PID1: variants seen among roughly 807,000 people sequenced by gnomAD.
PID1 encodes the protein phosphotyrosine interaction domain containing 1.
Under a neutral mutation model 19.1 loss-of-function variants are expected in PID1, and 10 were observed. The ratio of observed to expected loss-of-function variants is 0.52; its 90% confidence interval spans 0.32 to 0.89. The LOEUF is 0.89. Among genes scored for constraint, PID1 ranks in the 40% least tolerant of loss-of-function variants. The pLI is 0.03. For synonymous variants in PID1, 130 were observed against 116.0 expected (o/e 1.12, Z -0.78); for missense variants, 248 against 285.3 (o/e 0.87, Z 0.94).
chr2:229,132,577 G>C (rs1024927489), intron 2 of PID1, among the ~76,000 whole-genome samples: 1 of 152,028 alleles, frequency 6.6e-6, no homozygotes, highest in African/African-American at 2.4e-5. Flanking sequence ...AATTTTATAT[G>C]AATTAGCTTT....
At chr2:229,155,702 G>A in intron 2 of PID1, 116 bp downstream of exon 2, 2 of 942,390 alleles carry the variant, frequency 2.1e-6, no homozygotes, top group Non-Finnish European at 1.6e-6. Flanking sequence ...TATTTTGTTG[G>A]TCATTTTATA....
intron 1 of PID1, among the ~76,000 whole-genome samples, chr2:229,180,197 T>C (rs1021079454): frequency 7.2e-5 from 11 of 152,130 alleles, no homozygotes; most frequent in Non-Finnish European, 1.5e-4. Context: ...GTTTATAAGG[T>C]ACACCTTAGG....
At chr2:229,240,115 G>A (rs554175391) in intron 1 of PID1, among the ~76,000 whole-genome samples, 43 of 152,132 alleles carry the variant, frequency 2.8e-4, no homozygotes, top group African/African-American at 8.7e-4. Flanking sequence ...TAGGTAAAAC[G>A]TCACATTTTC....
chr2:229,035,106 G>T (rs942113463), intron 2 of PID1, among the ~76,000 whole-genome samples: 1 of 152,164 alleles, frequency 6.6e-6, no homozygotes, highest in Non-Finnish European at 1.5e-5. Context: ...GGTAGGGCAT[G>T]GTGCCCACTC....
chr2:229,133,469 A>G (rs1689787065), intron 2 of PID1, among the ~76,000 whole-genome samples: 1 of 152,356 alleles, frequency 6.6e-6, no homozygotes, highest in African/African-American at 2.4e-5. Flanking sequence ...GTATCAACAG[A>G]CTAACCTCAA....
chr2:229,239,068 G>T (rs1689799381), intron 1 of PID1, among the ~76,000 whole-genome samples: 1 of 151,462 alleles, frequency 6.6e-6, no homozygotes, highest in South Asian at 2.1e-4. Flanking sequence ...TAACCAAAAG[G>T]ATGAGAAAAA....
intron 1 of PID1, among the ~76,000 whole-genome samples, chr2:229,253,185 G>A (rs1266432319): frequency 6.6e-6 from 1 of 152,112 alleles, no homozygotes; most frequent in Non-Finnish European, 1.5e-5. Flanking sequence ...ACAGACTAAG[G>A]CCATGTCTTC....
intron 1 of PID1, among the ~76,000 whole-genome samples, chr2:229,229,328 G>A (rs62191742): frequency 0.26 from 39,999 of 152,082 alleles, 6,055 homozygotes; most frequent in East Asian, 0.66. Context: ...TTGATGCCAT[G>A]CATCATGTTT....
intron 1 of PID1, among the ~76,000 whole-genome samples, chr2:229,241,469 T>C (rs1417934087): frequency 6.6e-6 from 1 of 152,148 alleles, no homozygotes; most frequent in Non-Finnish European, 1.5e-5. Flanking sequence ...CAGAAAAGCC[T>C]ATAAAACACT....
chr2:229,258,115 AG>A (rs1690352991), intron 1 of PID1, among the ~76,000 whole-genome samples: 1 of 152,218 alleles, frequency 6.6e-6, no homozygotes, highest in Non-Finnish European at 1.5e-5. Flanking sequence ...GGGCTGGAAA[AG>A]GTCTCAGAGG....
intron 1 of PID1, among the ~76,000 whole-genome samples, chr2:229,208,156 A>G (rs116041585): frequency 0.011 from 1,685 of 152,296 alleles, 23 homozygotes; most frequent in African/African-American, 0.038. Flanking sequence ...TCAATGAATG[A>G]GTCCATTTCT....
intron 2 of PID1, among the ~76,000 whole-genome samples, chr2:229,116,846 CT>C (rs1486407830): frequency 6.6e-6 from 1 of 152,048 alleles, no homozygotes; most frequent in Non-Finnish European, 1.5e-5. Flanking sequence ...ACCCCAGTTG[CT>C]TTTTTTCAGT....
intron 2 of PID1, among the ~76,000 whole-genome samples, chr2:229,028,590 C>A (rs933556927): frequency 6.6e-6 from 1 of 152,086 alleles, no homozygotes; most frequent in African/African-American, 2.4e-5. Context: ...AACAAAAAGT[C>A]AAAAAACCCA....
intron 2 of PID1, among the ~76,000 whole-genome samples, chr2:229,027,398 A>C (rs1472006624): frequency 6.6e-6 from 1 of 152,222 alleles, no homozygotes; most frequent in Non-Finnish European, 1.5e-5. Flanking sequence ...CACGGGAAAG[A>C]AATAATTGAA....
intron 1 of PID1, among the ~76,000 whole-genome samples, chr2:229,228,581 A>T (rs1692133165): frequency 6.6e-6 from 1 of 152,206 alleles, no homozygotes; most frequent in Admixed American, 6.5e-5. Flanking sequence ...TTTAACAAAT[A>T]GCTTTGGATG....
intron 1 of PID1, chr2:229,244,855 ATGCTC>A (rs1298223475): frequency 1.3e-5 from 2 of 152,074 alleles, no homozygotes; most frequent in Non-Finnish European, 2.9e-5. Context: ...TCCCTACCTT[ATGCTC>A]TGCCTCTGCA....
chr2:229,191,721 G>A (rs1691264116), intron 1 of PID1, among the ~76,000 whole-genome samples: 1 of 152,040 alleles, frequency 6.6e-6, no homozygotes, highest in Non-Finnish European at 1.5e-5. Context: ...CTCTTAAATT[G>A]GATTAAGATT....
intron 2 of PID1, among the ~76,000 whole-genome samples, chr2:229,062,404 G>A (rs938311934): frequency 2.0e-5 from 3 of 151,890 alleles, no homozygotes; most frequent in African/African-American, 7.2e-5. Context: ...ATTTGTGTAT[G>A]TTGAACCATC....
rs191746846 is a variant in PID1 at position 229,119,310 on chromosome 2, A to G, written c.177+36508T>C. On this transcript the variant is annotated intron_variant, in intron 2 of 2. Coordinates refer to ENST00000392055, the MANE Select transcript of PID1 (RefSeq NM_001100818.2). ...AATCAATTAATTTGTCTAAAATTAT[A>G]TACTTTGTACATATCAAGGCCAAGA... Among the ~76,000 whole-genome samples, 8 of 152,352 alleles carry G rather than the reference A, an allele frequency of 5.3e-5. No homozygotes were observed. The East Asian group carries it at 1.3e-3, about 26-fold the overall frequency.
Sources: allele counts gnomAD v4.1 joint callset (sites outside exome capture counted in the v4.1 genomes callset), GRCh38; gene constraint gnomAD v4.1.1; transcripts MANE v1.5; gene names NCBI Gene and HGNC (gene_info 2026-07-23, HGNC 2026-07-21).